Variants in SKA2 observed in about 807,000 individuals in gnomAD.
SKA2 encodes spindle and kinetochore associated complex subunit 2.
Under a neutral mutation model 16.9 loss-of-function variants are expected in SKA2, and 13 were observed. That is an observed-to-expected ratio of 0.77 (90% CI 0.50 to 1.22). SKA2 has a LOEUF of 1.22. SKA2 is among the 50% of genes most tolerant of loss of function. The pLI is 0.00. For missense variants in SKA2, 107 were observed against 139.7 expected, an observed-to-expected ratio of 0.77 and a Z score of 1.18; for synonymous variants, 47 against 48.5, an observed-to-expected ratio of 0.97 and a Z score of 0.13.
In SKA2 at chr17:59,110,959, A is replaced by G. The variant is rs553269118; in HGVS notation, c.*1318T>C. On this transcript the variant is annotated 3_prime_UTR_variant, in exon 4 of 4. Coordinates refer to ENST00000330137, the MANE Select transcript of SKA2 (RefSeq NM_182620.4). ...TAAAATTACATAAAAGTATAATTCT[A>G]TAACCTGCAGAACTAACATTTGATG... 2 of 152,336 alleles carry G rather than the reference A, an allele frequency of 1.3e-5. No homozygotes were observed. Among genetic ancestry groups the G allele is most frequent in the Non-Finnish European group, 1.5e-5 (1 of 68,032 alleles). The allele number at this position is 152,336 out of a possible 1,614,324, so 9.4% of individuals were successfully genotyped here.
At chr17:59,123,731 A>G (rs2046353083) in intron 2 of SKA2, among the ~76,000 whole-genome samples, 1 of 152,126 alleles carries the variant, frequency 6.6e-6, no homozygotes, top group Admixed American at 6.6e-5. Flanking sequence ...GGAAATTATT[A>G]TTAATGATAA....
At chr17:59,120,446 C>T (rs1010563447) in intron 2 of SKA2, among the ~76,000 whole-genome samples, 8 of 151,788 alleles carry the variant, frequency 5.3e-5, no homozygotes, top group African/African-American at 1.9e-4. Context: ...AGGAATCTCA[C>T]TGTGTTGCCC....
intron 3 of SKA2, among the ~76,000 whole-genome samples, chr17:59,115,310 G>A (rs1341920127): frequency 2.0e-5 from 3 of 151,706 alleles, no homozygotes; most frequent in East Asian, 1.9e-4. Flanking sequence ...CACCTGTCTC[G>A]GCCTCCCAAA....
At position 59,112,194 on chromosome 17, in the gene SKA2, A is replaced by C; in HGVS notation, c.*83T>G. On this transcript the variant is annotated 3_prime_UTR_variant, in exon 4 of 4. Transcript: ENST00000330137. The stretch of plus-strand genomic sequence containing the variant: ...CTTCACCAGCCCCCAATCTCTAGAC[A>C]TCAAGGGTTAACAAGACATCTTCCT... 2 of 1,131,778 alleles carry C rather than the reference A, an allele frequency of 1.8e-6. No homozygotes were observed. The highest frequency in any genetic ancestry group is 2.6e-6 in the Non-Finnish European group (2 of 761,254). The allele number at this position is 1,131,778 out of a possible 1,614,324, so 70.1% of individuals were successfully genotyped here. A position where few individuals can be genotyped will look rare whatever the true frequency, so the allele number is the denominator to read the frequency against.
chr17:59,121,970 G>GAA (rs756240204), intron 2 of SKA2, among the ~76,000 whole-genome samples: 3 of 135,064 alleles, frequency 2.2e-5, no homozygotes, highest in Admixed American at 7.5e-5. Flanking sequence ...GACTCCATCT[G>GAA]AAAAAAAAAA....
At chr17:59,122,409 C>T (rs993319426) in intron 2 of SKA2, among the ~76,000 whole-genome samples, 50 of 151,994 alleles carry the variant, frequency 3.3e-4, no homozygotes, top group Non-Finnish European at 7.4e-5. Context: ...TCAGGAGTTC[C>T]AGAACAGCAT....
intron 1 of SKA2, among the ~76,000 whole-genome samples, chr17:59,150,089 T>A (rs2046565932): frequency 6.6e-6 from 1 of 152,142 alleles, no homozygotes. Context: ...CATGACTGTA[T>A]ACATTTGTCA....
intron 1 of SKA2, among the ~76,000 whole-genome samples, chr17:59,149,695 T>C (rs59868708): frequency 0.022 from 3,406 of 152,264 alleles, 148 homozygotes; most frequent in African/African-American, 0.076. Flanking sequence ...TTCTATACAA[T>C]GAATACTACT....
At chr17:59,123,761 A>G (rs1413020855) in intron 2 of SKA2, among the ~76,000 whole-genome samples, 2 of 152,194 alleles carry the variant, frequency 1.3e-5, no homozygotes, top group Non-Finnish European at 2.9e-5. Context: ...TATAGCACTT[A>G]CTCTGGACTA....
At chr17:59,140,706 G>T (rs1405014818) in intron 1 of SKA2, among the ~76,000 whole-genome samples, 2 of 149,796 alleles carry the variant, frequency 1.3e-5, no homozygotes, top group Non-Finnish European at 3.0e-5. Context: ...TGCCTCCCGG[G>T]TTCACGCCAT....
intron 2 of SKA2, among the ~76,000 whole-genome samples, chr17:59,130,124 A>G (rs1434940544): frequency 6.6e-6 from 1 of 152,132 alleles, no homozygotes; most frequent in African/African-American, 2.4e-5. Flanking sequence ...AGTACAAACT[A>G]CACTCCCATA....
intron 1 of SKA2, among the ~76,000 whole-genome samples, chr17:59,133,827 G>A (rs1477225021): frequency 1.3e-5 from 2 of 152,148 alleles, no homozygotes; most frequent in Non-Finnish European, 2.9e-5. Flanking sequence ...AACTTGGGGG[G>A]AGGGTACAGA....
chr17:59,119,528 T>C (rs1228557452), intron 2 of SKA2, 33 bp from the exon 3 acceptor site: 2 of 1,587,892 alleles, frequency 1.3e-6, no homozygotes, highest in East Asian at 4.5e-5. Flanking sequence ...ATGTATTAAA[T>C]TATGAAAGAT....
chr17:59,153,798 ACGTTGTCTCTG>A (rs1160859149), intron 1 of SKA2, among the ~76,000 whole-genome samples: 1 of 151,036 alleles, frequency 6.6e-6, no homozygotes, highest in Non-Finnish European at 1.5e-5. Flanking sequence ...TTTTTTTGAG[ACGTTGTCTCTG>A]TCGCAAGGCC....
chr17:59,121,730 C>T (rs557320793), intron 2 of SKA2, among the ~76,000 whole-genome samples: 3 of 141,526 alleles, frequency 2.1e-5, no homozygotes, highest in Non-Finnish European at 3.0e-5. Context: ...GGGCGGATTG[C>T]CTGAACTCAG....
At chr17:59,151,104 T>C (rs2046574097) in intron 1 of SKA2, 3 of 485,186 alleles carry the variant, frequency 6.2e-6, no homozygotes, top group Middle Eastern at 5.5e-4. Context: ...CGAAGAAAGA[T>C]GTAAGGTAAG....
In SKA2 at chr17:59,111,447, T is replaced by C. The variant is rs901831485; in HGVS notation, c.*830A>G. The C allele has an allele frequency of 6.6e-6, 1 of 152,228 alleles. No homozygotes were observed. The highest frequency in any genetic ancestry group is 1.5e-5 in the Non-Finnish European group (1 of 68,038). 9.4% of individuals were successfully genotyped at this position (152,228 alleles called of 1,614,324 possible). A position where few individuals can be genotyped will look rare whatever the true frequency, so the allele number is the denominator to read the frequency against. ...CTTTGAACAGTTTCCTTATTGCCAA[T>C]AGTTATTTTAAAATAAATAGTTATT... On this transcript the variant is annotated 3_prime_UTR_variant, in exon 4 of 4. Transcript: ENST00000330137.
At chr17:59,136,996 A>G (rs1196493293) in intron 1 of SKA2, among the ~76,000 whole-genome samples, 1 of 152,152 alleles carries the variant, frequency 6.6e-6, no homozygotes, top group Non-Finnish European at 1.5e-5. Flanking sequence ...AGAGTCACAC[A>G]TGTGGAAAAA....
chr17:59,118,456 T>C (rs958626054), intron 3 of SKA2, among the ~76,000 whole-genome samples: 1 of 152,234 alleles, frequency 6.6e-6, no homozygotes, highest in Non-Finnish European at 1.5e-5. Flanking sequence ...TATACAGATA[T>C]GTTGTCATGT....
Sources: gnomAD v4.1 joint callset for allele counts (sites outside exome capture counted in the v4.1 genomes callset) on GRCh38, gnomAD v4.1.1 for gene constraint, MANE v1.5 for transcripts, NCBI Gene and HGNC (gene_info 2026-07-23, HGNC 2026-07-21) for gene names.